The following ATP10A variants were observed in gnomAD, a reference collection of about 807,000 sequenced individuals.
ATP10A encodes phospholipid-transporting ATPase VA.
Under a neutral mutation model 147.8 loss-of-function variants are expected in ATP10A, and 111 were observed. The observed-to-expected ratio is 0.75, with a 90% CI of 0.64 to 0.88. ATP10A has a LOEUF of 0.88. ATP10A is among the 40% of genes least tolerant of loss of function. ATP10A has a pLI of 0.00. For synonymous variants in ATP10A, 875 were observed against 841.6 expected (o/e 1.04, Z -0.69); for missense variants, 1,927 against 1,959.0 (o/e 0.98, Z 0.31).
intron 3 of ATP10A, among the ~76,000 whole-genome samples, chr15:25,734,100 C>A (rs1275957416): frequency 6.6e-6 from 1 of 152,226 alleles, no homozygotes; most frequent in Non-Finnish European, 1.5e-5. Flanking sequence ...ACCCAGACTC[C>A]TGTCCTCACC....
intron 1 of ATP10A, among the ~76,000 whole-genome samples, chr15:25,826,577 C>T (rs1406441764): frequency 6.6e-6 from 1 of 152,058 alleles, no homozygotes; most frequent in African/African-American, 2.4e-5. Flanking sequence ...GTGGAATCAC[C>T]TGAGGTCAGG....
At chr15:25,701,852 G>A in intron 13 of ATP10A, 64 bp downstream of exon 13, 1 of 1,452,248 alleles carries the variant, frequency 6.9e-7, no homozygotes, top group Non-Finnish European at 9.3e-7. Context: ...TGTCTGCCAA[G>A]GGGGCCACGA....
intron 10 of ATP10A, among the ~76,000 whole-genome samples, chr15:25,711,283 T>A (rs949606245): frequency 6.6e-6 from 1 of 152,164 alleles, no homozygotes; most frequent in Non-Finnish European, 1.5e-5. Context: ...GTGGGACACC[T>A]CTGTGCCCTC....
intron 1 of ATP10A, among the ~76,000 whole-genome samples, chr15:25,824,402 TG>T (rs2063078020): frequency 6.7e-6 from 1 of 149,142 alleles, no homozygotes; most frequent in South Asian, 2.1e-4. Context: ...TGAGCCCAGG[TG>T]GTTGAGGCTA....
chr15:25,832,264 A>G (rs1380690324), intron 1 of ATP10A, among the ~76,000 whole-genome samples: 1 of 152,218 alleles, frequency 6.6e-6, no homozygotes, highest in Non-Finnish European at 1.5e-5. Flanking sequence ...TCAGAACTGT[A>G]AGAGAATACA....
intron 1 of ATP10A, among the ~76,000 whole-genome samples, chr15:25,797,139 C>G (rs1890708457): frequency 6.6e-6 from 1 of 152,136 alleles, no homozygotes; most frequent in Non-Finnish European, 1.5e-5. Flanking sequence ...TCCCTTCCAA[C>G]CTCTGGTAAC....
At position 25,687,692 on chromosome 15, in the gene ATP10A, C is replaced by G. The variant is rs752310076; in HGVS notation, c.3291+11G>C. 6.3e-7 allele frequency: 1 copy of G among 1,577,730 alleles called. No homozygotes were observed. Among genetic ancestry groups the G allele is most frequent in the African/African-American group, 1.4e-5 (1 of 74,016 alleles). ...CAATCCCAAAACTCTAGACAGGTAT[C>G]CAATACCTACTGTGTTTTTGTAGAA... On this transcript the variant is annotated intron_variant, in intron 16 of 20. Coordinates refer to ENST00000555815, the MANE Select transcript of ATP10A (RefSeq NM_024490.4).
At chr15:25,744,076 C>T (rs199999553) in intron 2 of ATP10A, among the ~76,000 whole-genome samples, 4 of 152,162 alleles carry the variant, frequency 2.6e-5, no homozygotes, top group East Asian at 1.9e-4. Flanking sequence ...TGCTTTCTAA[C>T]GCAACCAGGA....
At chr15:25,830,331 G>T (rs1380733546) in intron 1 of ATP10A, among the ~76,000 whole-genome samples, 2 of 152,130 alleles carry the variant, frequency 1.3e-5, no homozygotes, top group African/African-American at 4.8e-5. Flanking sequence ...CACTGAAAGG[G>T]GTGGAAGTGT....
At chr15:25,832,422 C>A (rs149096251) in intron 1 of ATP10A, among the ~76,000 whole-genome samples, 1 of 152,160 alleles carries the variant, frequency 6.6e-6, no homozygotes, top group African/African-American at 2.4e-5. Flanking sequence ...GTGAGTGTGC[C>A]GGGCAAGGCA....
intron 14 of ATP10A, among the ~76,000 whole-genome samples, chr15:25,694,101 AC>A (rs759627632): frequency 2.6e-5 from 4 of 152,088 alleles, no homozygotes; most frequent in Non-Finnish European, 4.4e-5. Flanking sequence ...GAGCCCCTGA[AC>A]CTGTGCTAGA....
At chr15:25,852,700 G>A (rs1409383616) in intron 1 of ATP10A, among the ~76,000 whole-genome samples, 7 of 152,160 alleles carry the variant, frequency 4.6e-5, no homozygotes, top group African/African-American at 1.2e-4. Context: ...ACAAACCACT[G>A]TCTGTTATGC....
chr15:25,763,807 C>G (rs1384122766), intron 2 of ATP10A, among the ~76,000 whole-genome samples: 1 of 152,092 alleles, frequency 6.6e-6, no homozygotes, highest in Non-Finnish European at 1.5e-5. Flanking sequence ...ATAAAGCATC[C>G]CTAAAATTAT....
In ATP10A at chr15:25,773,818, C is replaced by CCA. The variant is rs56751876; in HGVS notation, c.654+7199_654+7200dup. Among the ~76,000 whole-genome samples the CCA allele has an allele frequency of 4.7e-3, 647 of 137,882 alleles. 3 individuals carry two copies. Among genetic ancestry groups the CCA allele is most frequent in the South Asian group, 0.019 (82 of 4,334 alleles). The allele number at this position is 137,882 out of a possible 152,430, so 90.5% of individuals were successfully genotyped here. A position where few individuals can be genotyped will look rare whatever the true frequency, so the allele number is the denominator to read the frequency against. On this transcript the variant is annotated intron_variant, in intron 2 of 20. Transcript: ENST00000555815. ...CACACAAACATACACACCTAAACAT[C>CCA]CACACACACACACACACACACACAC...
chr15:25,702,062 G>A lies in ATP10A; in HGVS notation c.2614C>T (p.Pro872Ser), dbSNP rs766902642. 1.9e-6 allele frequency: 3 copies of A among 1,613,898 alleles called. No individual in the cohort carries two copies. The Admixed American group carries it at 5.0e-5, about 27-fold the overall frequency. ...TGACGCAATTTAGAAATAGTTTCAG[G>A]GACTCCGTCCTGCAGGCGGTCTTCA... ...GIEDRLQDGV[P>S]ETISKLRQAG... Residue 872 changes from proline to serine, a missense_variant, in exon 13 of 21, where the codon CCT (proline) becomes TCT (serine). Physicochemically the swap from Pro to Ser is moderately conservative, Grantham distance 74. Coordinates refer to ENST00000555815, the MANE Select transcript of ATP10A (RefSeq NM_024490.4).
rs763026211 is a variant in ATP10A, at chr15:25,713,993, G to A, written c.2025C>T (p.Asp675=). The A allele has an allele frequency of 5.0e-6, 8 of 1,609,822 alleles. No homozygotes were observed. The highest frequency in any genetic ancestry group is 1.7e-4 in the Middle Eastern group (1 of 6,060). The change falls in exon 10 of 21, where the codon GAC becomes GAT. Residue 675 remains aspartate, a synonymous_variant. Coordinates refer to ENST00000555815, the MANE Select transcript of ATP10A (RefSeq NM_024490.4). ...IASNGYSSQA[D]NWASELAQEQ... is the part of the protein sequence containing the mutation. Reference sequence around the variant, plus strand: ...CCTGAGCAAGCTCCGAGGCCCAGTTGTCCGCCTGGCTGCTGTAGCCGTTGC... The same window carrying A: ...CCTGAGCAAGCTCCGAGGCCCAGTTATCCGCCTGGCTGCTGTAGCCGTTGC...
In ATP10A at chr15:25,736,057, T is replaced by A. The variant is rs1469437257; in HGVS notation, c.739A>T (p.Ile247Phe). 3 of 1,612,930 alleles carry A rather than the reference T, an allele frequency of 1.9e-6. No individual in the cohort carries two copies. Among genetic ancestry groups the A allele is most frequent in the East Asian group, 2.2e-5 (1 of 44,884 alleles). The change falls in exon 3 of 21, where the codon ATC (isoleucine) becomes TTC (phenylalanine). Residue 247 changes from isoleucine (I) to phenylalanine (F), a missense_variant and splice_region_variant. Ile to Phe is a conservative substitution (Grantham distance 21). Coordinates refer to ENST00000555815, the MANE Select transcript of ATP10A (RefSeq NM_024490.4). ...CGCAGGCAGACACACGATACTCACA[T>A]GCAGCCGCGAAACCTACTCAGGTCG... is the stretch of plus-strand genomic sequence containing the variant. ...NNDLSRFRGC[I>F]IHDNGKKAGL...
intron 2 of ATP10A, among the ~76,000 whole-genome samples, chr15:25,771,998 T>G (rs1889362147): frequency 6.6e-6 from 1 of 152,114 alleles, no homozygotes; most frequent in Non-Finnish European, 1.5e-5. Flanking sequence ...GTGATCCACC[T>G]GCCTCAGCCT....
chr15:25,706,264 G>C (rs1047013679), intron 12 of ATP10A, among the ~76,000 whole-genome samples: 3 of 152,148 alleles, frequency 2.0e-5, no homozygotes, highest in African/African-American at 7.2e-5. Flanking sequence ...AGAGGTGACC[G>C]ATGCACGATC....
Sources: allele counts gnomAD v4.1 joint callset (sites outside exome capture counted in the v4.1 genomes callset), GRCh38; gene constraint gnomAD v4.1.1; transcripts MANE v1.5; gene names NCBI Gene and HGNC (gene_info 2026-07-23, HGNC 2026-07-21).